ANKFN1: variants seen among roughly 807,000 people sequenced by gnomAD.
ANKFN1 encodes ankyrin repeat and fibronectin type-III domain-containing protein 1.
In ANKFN1, 74 loss-of-function variants were observed where a neutral mutation model predicts 108.7. That is an observed-to-expected ratio of 0.68 (90% CI 0.56 to 0.83). ANKFN1 has a LOEUF of 0.83. ANKFN1 is among the 40% of genes least tolerant of loss of function. ANKFN1 has a pLI of 0.00. For synonymous variants in ANKFN1, 547 were observed against 516.2 expected (o/e 1.06, Z -0.81); for missense variants, 1,505 against 1,382.3 (o/e 1.09, Z -1.41).
chr17:56,174,409 T>C (rs1475330309), intron 1 of ANKFN1: 33 of 985,296 alleles, frequency 3.3e-5, no homozygotes, highest in Non-Finnish European at 3.7e-5. Flanking sequence ...GAGGTTGGCT[T>C]CCAAATCTTC....
chr17:56,105,021 A>G (rs2143231609), intron 4 of ANKFN1, among the ~76,000 whole-genome samples: 1 of 152,312 alleles, frequency 6.6e-6, no homozygotes, highest in African/African-American at 2.4e-5. Context: ...GAAATTGGTC[A>G]TTTTCATGGA....
At chr17:56,221,435 A>G (rs1000684533) in intron 2 of ANKFN1, among the ~76,000 whole-genome samples, 10 of 152,198 alleles carry the variant, frequency 6.6e-5, no homozygotes, top group South Asian at 2.1e-4. Flanking sequence ...GAAAATTTAT[A>G]AGGAAAATTA....
intron 3 of ANKFN1, among the ~76,000 whole-genome samples, chr17:56,262,139 G>C (rs894344338): frequency 2.6e-5 from 4 of 152,158 alleles, no homozygotes. Flanking sequence ...CAGGTTGAAA[G>C]ACTTGGTAGC....
chr17:56,461,252 G>C lies in ANKFN1; in HGVS notation c.1557+3273G>C, dbSNP rs186052741. Among the ~76,000 whole-genome samples, 4 of 152,172 alleles carry C rather than the reference G, an allele frequency of 2.6e-5. No individual in the cohort carries two copies. The East Asian group carries it at 7.7e-4, about 29-fold the overall frequency. On this transcript the variant is annotated intron_variant, in intron 14 of 20. Coordinates refer to ENST00000682825, the MANE Select transcript of ANKFN1 (RefSeq NM_001370326.1). ...CACTTTTATACCTAGTCTTATTTTT[G>C]AAATTCTGTGTTCTCTGTCTTAAAG...
chr17:56,441,631 G>A (rs1045512873), intron 9 of ANKFN1, among the ~76,000 whole-genome samples: 5 of 151,854 alleles, frequency 3.3e-5, no homozygotes, highest in Admixed American at 1.3e-4. Flanking sequence ...AAGAAAAAGT[G>A]ATATGTGATA....
intron 18 of ANKFN1, among the ~76,000 whole-genome samples, chr17:56,484,413 A>T (rs1467264915): frequency 1.3e-5 from 2 of 152,252 alleles, no homozygotes; most frequent in African/African-American, 4.8e-5. Context: ...AAGTTGCCCC[A>T]AAGTAGGTAA....
In ANKFN1 at chr17:56,477,534, G is replaced by T; in HGVS notation, c.1820G>T (p.Gly607Val). 1 of 1,611,898 alleles carries T rather than the reference G, an allele frequency of 6.2e-7. No individual in the cohort carries two copies. The highest frequency in any genetic ancestry group is 8.5e-7 in the Non-Finnish European group (1 of 1,179,382). ...HKRSHQRLFP[G>V]LYLGYLKLCS... ...AGGAGTCATCAGCGTCTCTTTCCTG[G>T]ATTATATCTGGGTTACCTAAAGCTC... The change falls in exon 16 of 21, where the codon GGA (glycine) becomes GTA (valine). Residue 607 changes from glycine (G) to valine (V), a missense_variant. Physicochemically the swap from Gly to Val is moderately radical, Grantham distance 109. Transcript: ENST00000682825.
At chr17:56,099,804 T>C (rs1364242444) in intron 4 of ANKFN1, among the ~76,000 whole-genome samples, 1 of 152,240 alleles carries the variant, frequency 6.6e-6, no homozygotes, top group African/African-American at 2.4e-5. Flanking sequence ...AAACTGTTGC[T>C]TGAGAGGCAA....
intron 2 of ANKFN1, among the ~76,000 whole-genome samples, chr17:56,216,760 G>C (rs1915453647): frequency 6.6e-6 from 1 of 152,178 alleles, no homozygotes; most frequent in Non-Finnish European, 1.5e-5. Context: ...TCAGGTGGAG[G>C]ACCCCACATT....
At chr17:56,337,418 G>T (rs1201592301) in intron 4 of ANKFN1, among the ~76,000 whole-genome samples, 1 of 151,894 alleles carries the variant, frequency 6.6e-6, no homozygotes, top group African/African-American at 2.4e-5. Flanking sequence ...AGGACTTCAT[G>T]ACTAAAACAC....
At chr17:56,240,269 T>C (rs1917479572) in intron 3 of ANKFN1, among the ~76,000 whole-genome samples, 1 of 152,132 alleles carries the variant, frequency 6.6e-6, no homozygotes, top group Admixed American at 6.6e-5. Flanking sequence ...GCTTCATAAT[T>C]TTTAAGTTTT....
At chr17:56,186,675 A>G (rs183818652) in intron 1 of ANKFN1, among the ~76,000 whole-genome samples, 1 of 152,244 alleles carries the variant, frequency 6.6e-6, no homozygotes, top group Non-Finnish European at 1.5e-5. Flanking sequence ...AAAAGAGCAC[A>G]GTGCTAAGGA....
intron 1 of ANKFN1, among the ~76,000 whole-genome samples, chr17:56,190,001 A>AC (rs1174858576): frequency 3.3e-5 from 5 of 151,464 alleles, no homozygotes; most frequent in Admixed American, 1.3e-4. Flanking sequence ...CATGTGCAAA[A>AC]AAAAAAAAAA....
At chr17:56,182,898 A>T (rs4378671) in intron 1 of ANKFN1, among the ~76,000 whole-genome samples, 7 of 151,760 alleles carry the variant, frequency 4.6e-5, no homozygotes, top group Admixed American at 2.6e-4. Flanking sequence ...TAAGGCCCAT[A>T]AGAATTAGAC....
intron 3 of ANKFN1, among the ~76,000 whole-genome samples, chr17:56,278,724 C>T (rs551588411): frequency 2.6e-4 from 40 of 152,284 alleles, no homozygotes; most frequent in African/African-American, 9.4e-4. Context: ...GACCAAGAGA[C>T]AGCTTGAAAG....
chr17:56,318,436 T>C lies in ANKFN1; in HGVS notation c.54-7785T>C, dbSNP rs141259909. ...TTAATTCTTTTCAATTAAACCTATATGTATTGAAAATTATCTACCATGCAC... is the reference window on the plus strand; with the variant it reads ...TTAATTCTTTTCAATTAAACCTATACGTATTGAAAATTATCTACCATGCAC... On this transcript the variant is annotated intron_variant, in intron 3 of 20. Transcript: ENST00000682825. Among the ~76,000 whole-genome samples the C allele has an allele frequency of 1.8e-3, 275 of 152,272 alleles. 1 individual carries two copies. The highest frequency in any genetic ancestry group is 6.4e-3 in the African/African-American group (264 of 41,544).
chr17:56,281,426 T>C (rs571019910), intron 3 of ANKFN1, among the ~76,000 whole-genome samples: 38 of 152,252 alleles, frequency 2.5e-4, no homozygotes, highest in African/African-American at 8.4e-4. Context: ...CAGACCTAAA[T>C]GTATAAGCTA....
Position 56,374,690 on chromosome 17 carries a change from G to A in ANKFN1, c.886G>A (p.Ala296Thr). ...VSFQEPLSVN[A>T]AVVTRYKVEW... ...CTTCCAAGAGCCTCTTAGCGTCAAT[G>A]CAGCTGTAGTAACCAGGTATAAAGG... The change falls in exon 8 of 21, where the codon GCA becomes ACA. Residue 296 changes from alanine (A) to threonine (T), a missense_variant. By Grantham distance (58) the Ala-to-Thr change is moderately conservative. Coordinates refer to ENST00000682825, the MANE Select transcript of ANKFN1 (RefSeq NM_001370326.1). 6.2e-7 allele frequency: 1 copy of A among 1,613,668 alleles called. No individual in the cohort carries two copies. The highest frequency in any genetic ancestry group is 8.5e-7 in the Non-Finnish European group (1 of 1,179,666).
At chr17:56,336,780 C>T (rs2045823250) in intron 4 of ANKFN1, among the ~76,000 whole-genome samples, 1 of 152,022 alleles carries the variant, frequency 6.6e-6, no homozygotes, top group African/African-American at 2.4e-5. Flanking sequence ...TTTGTTTGCT[C>T]TTGCTTCTCT....
Sources: allele counts gnomAD v4.1 joint callset (sites outside exome capture counted in the v4.1 genomes callset), GRCh38; gene constraint gnomAD v4.1.1; transcripts MANE v1.5; gene names NCBI Gene and HGNC (gene_info 2026-07-23, HGNC 2026-07-21).